Variants in GABRB2 observed in about 807,000 individuals in gnomAD.
GABRB2 encodes the protein gamma-aminobutyric acid type A receptor subunit beta2.
GABRB2 carries 16 observed loss-of-function variants against 54.7 expected under a neutral mutation model. The observed-to-expected ratio is 0.29, with a 90% CI of 0.20 to 0.44. The LOEUF is 0.44. GABRB2 is among the 20% of genes least tolerant of loss of function. The probability of loss-of-function intolerance (pLI) is 1.00; values close to 1 mark genes in which losing one functional copy is unlikely to be tolerated. For missense variants in GABRB2, 355 were observed against 644.0 expected (o/e 0.55, Z 4.86); for synonymous variants, 244 against 233.8 (o/e 1.04, Z -0.40).
intron 3 of GABRB2, among the ~76,000 whole-genome samples, chr5:161,511,638 A>G (rs1172828552): frequency 6.6e-6 from 1 of 152,024 alleles, no homozygotes; most frequent in Non-Finnish European, 1.5e-5. Context: ...AAATAGATTT[A>G]TTGTCTCACA....
intron 5 of GABRB2, among the ~76,000 whole-genome samples, chr5:161,355,788 T>G (rs529226342): frequency 6.6e-6 from 1 of 152,132 alleles, no homozygotes; most frequent in African/African-American, 2.4e-5. Flanking sequence ...TTTATTTAGA[T>G]GGAAGCTTTG....
chr5:161,544,953 T>C (rs1043509042), intron 3 of GABRB2, among the ~76,000 whole-genome samples: 2 of 152,160 alleles, frequency 1.3e-5, no homozygotes, highest in Non-Finnish European at 2.9e-5. Context: ...ATGAGGCTTC[T>C]GTAGGGGGTC....
chr5:161,330,307 C>A (rs1320936554), intron 8 of GABRB2: 1 of 152,142 alleles, frequency 6.6e-6, no homozygotes, highest in Non-Finnish European at 1.5e-5. Context: ...AATTATTTGT[C>A]TTTTCCCCCT....
chr5:161,460,781 T>C (rs1235186864), intron 3 of GABRB2, among the ~76,000 whole-genome samples: 1 of 152,086 alleles, frequency 6.6e-6, no homozygotes, highest in African/African-American at 2.4e-5. Flanking sequence ...AAAGCATAGA[T>C]AAATCAACAG....
intron 8 of GABRB2, among the ~76,000 whole-genome samples, chr5:161,327,509 A>C (rs1467709392): frequency 6.6e-6 from 1 of 152,142 alleles, no homozygotes; most frequent in African/African-American, 2.4e-5. Flanking sequence ...TTCTTTAGGC[A>C]CATAGGCTTT....
chr5:161,365,397 C>T (rs1025947845), intron 5 of GABRB2, among the ~76,000 whole-genome samples: 2 of 152,070 alleles, frequency 1.3e-5, no homozygotes, highest in Admixed American at 1.3e-4. Context: ...TTACACCGTG[C>T]CTCTTTGCCT....
intron 5 of GABRB2, among the ~76,000 whole-genome samples, chr5:161,401,225 CT>C (rs1241310556): frequency 2.6e-5 from 4 of 152,106 alleles, no homozygotes; most frequent in African/African-American, 9.7e-5. Flanking sequence ...TGGGTTTTCA[CT>C]TGTGAGAGTG....
At chr5:161,307,660 G>T (rs1757727575) in intron 9 of GABRB2, among the ~76,000 whole-genome samples, 1 of 151,896 alleles carries the variant, frequency 6.6e-6, no homozygotes, top group Non-Finnish European at 1.5e-5. Flanking sequence ...TTAAGACTGA[G>T]AAAAAAATCA....
chr5:161,356,464 G>A (rs757895800), intron 5 of GABRB2, among the ~76,000 whole-genome samples: 4 of 152,116 alleles, frequency 2.6e-5, no homozygotes, highest in Non-Finnish European at 4.4e-5. Flanking sequence ...CAAGGACTAT[G>A]TCCTCATGTT....
chr5:161,434,883 A>G (rs1757266042), intron 4 of GABRB2, among the ~76,000 whole-genome samples: 1 of 152,176 alleles, frequency 6.6e-6, no homozygotes, highest in Admixed American at 6.5e-5. Flanking sequence ...AAATCTGGAT[A>G]TCAGTCCACT....
At chr5:161,546,247 G>T in intron 2 of GABRB2, 75 bp downstream of exon 2, 1 of 1,179,800 alleles carries the variant, frequency 8.5e-7, no homozygotes, top group Non-Finnish European at 1.3e-6. Flanking sequence ...ACTAGGGAGA[G>T]GGAAGAGAGC....
chr5:161,485,488 T>C (rs1758893677), intron 3 of GABRB2, among the ~76,000 whole-genome samples: 1 of 151,966 alleles, frequency 6.6e-6, no homozygotes, highest in South Asian at 2.1e-4. Context: ...CATACATAGC[T>C]TTCTTTTCAT....
intron 5 of GABRB2, among the ~76,000 whole-genome samples, chr5:161,337,905 G>A (rs541822700): frequency 1.3e-5 from 2 of 152,254 alleles, no homozygotes; most frequent in East Asian, 3.9e-4. Flanking sequence ...CTGGGAGACA[G>A]GCAAGGTGGA....
At chr5:161,443,921 A>G (rs538201788) in intron 4 of GABRB2, among the ~76,000 whole-genome samples, 4 of 152,306 alleles carry the variant, frequency 2.6e-5, no homozygotes, top group African/African-American at 4.8e-5. Flanking sequence ...TTATTCACAC[A>G]CTAAATTAGC....
intron 9 of GABRB2, among the ~76,000 whole-genome samples, chr5:161,322,251 T>C (rs1758232479): frequency 6.6e-6 from 1 of 152,210 alleles, no homozygotes; most frequent in Non-Finnish European, 1.5e-5. Context: ...TTATTATTGT[T>C]TTGAGATAGA....
rs1161582982 is a variant in GABRB2 at position 161,291,231 on chromosome 5, C to A, written c.*2850G>T. 1 of 152,334 alleles carries A rather than the reference C, an allele frequency of 6.6e-6. No homozygotes were observed. The highest frequency in any genetic ancestry group is 1.5e-5 in the Non-Finnish European group (1 of 67,978). 9.4% of individuals were successfully genotyped at this position (152,334 alleles called of 1,614,324 possible). A position where few individuals can be genotyped will look rare whatever the true frequency, so the allele number is the denominator to read the frequency against. On this transcript the variant is annotated 3_prime_UTR_variant, in exon 10 of 10. Coordinates refer to ENST00000393959, the MANE Select transcript of GABRB2 (RefSeq NM_001371727.1). ...GAATTTCACAAAGATGAAAAAACAC[C>A]TTAATTGCTGGCTATCTGGCTGTTT...
chr5:161,357,934 CA>C (rs200634090), intron 5 of GABRB2, among the ~76,000 whole-genome samples: 2,618 of 152,174 alleles, frequency 0.017, 35 homozygotes, highest in Middle Eastern at 0.082. Flanking sequence ...TTTTAATACA[CA>C]AAGCTTGGCA....
intron 4 of GABRB2, among the ~76,000 whole-genome samples, chr5:161,435,668 A>G (rs1757286938): frequency 6.6e-6 from 1 of 152,196 alleles, no homozygotes; most frequent in East Asian, 1.9e-4. Context: ...ATAAGTTAGT[A>G]CAGGATGGTG....
chr5:161,487,226 G>C (rs1377130530), intron 3 of GABRB2, among the ~76,000 whole-genome samples: 3 of 151,750 alleles, frequency 2.0e-5, no homozygotes, highest in African/African-American at 7.3e-5. Context: ...CTACGTTTTG[G>C]TATTTTTTAG....
Sources: allele counts gnomAD v4.1 joint callset (sites outside exome capture counted in the v4.1 genomes callset), GRCh38; gene constraint gnomAD v4.1.1; transcripts MANE v1.5; gene names NCBI Gene and HGNC (gene_info 2026-07-23, HGNC 2026-07-21).